Variants in PACRG observed in about 807,000 individuals in gnomAD.
PACRG encodes the protein parkin coregulated gene protein.
Under a neutral mutation model 29.7 loss-of-function variants are expected in PACRG, and 29 were observed. That is an observed-to-expected ratio of 0.98 (90% CI 0.73 to 1.33). PACRG has a LOEUF of 1.33. Ranked by LOEUF, PACRG falls within the 40% of genes most tolerant of loss-of-function variation. The pLI, the probability that PACRG is intolerant of heterozygous loss-of-function variation, is 0.00. For synonymous variants in PACRG, 116 were observed against 118.7 expected (o/e 0.98, Z 0.15); for missense variants, 279 against 316.2 (o/e 0.88, Z 0.89).
intron 4 of PACRG, among the ~76,000 whole-genome samples, chr6:163,194,053 C>T (rs931752358): frequency 2.6e-5 from 4 of 151,962 alleles, no homozygotes; most frequent in Non-Finnish European, 5.9e-5. Context: ...CCACCAAAGC[C>T]GGTTAATTTT....
intron 2 of PACRG, among the ~76,000 whole-genome samples, chr6:162,908,244 G>T (rs1047353614): frequency 6.6e-6 from 1 of 152,140 alleles, no homozygotes; most frequent in African/African-American, 2.4e-5. Context: ...TCAAACTTCA[G>T]CCAAGTTGTC....
intron 2 of PACRG, among the ~76,000 whole-genome samples, chr6:162,897,465 T>C (rs1795254559): frequency 6.6e-6 from 1 of 152,236 alleles, no homozygotes; most frequent in African/African-American, 2.4e-5. Flanking sequence ...GGTGAGGTAA[T>C]GCGATCCCAG....
chr6:163,185,448 A>G (rs1289490231), intron 4 of PACRG, among the ~76,000 whole-genome samples: 1 of 152,218 alleles, frequency 6.6e-6, no homozygotes. Context: ...CATTTTTCAA[A>G]TTAACAGGAC....
intron 1 of PACRG, among the ~76,000 whole-genome samples, chr6:162,797,996 T>C (rs1785521947): frequency 6.6e-6 from 1 of 152,218 alleles, no homozygotes; most frequent in Admixed American, 6.5e-5. Context: ...TTGGTCATAG[T>C]GTTTAACTCT....
intron 4 of PACRG, among the ~76,000 whole-genome samples, chr6:163,264,920 G>A (rs1261092887): frequency 6.6e-6 from 1 of 152,180 alleles, no homozygotes; most frequent in Non-Finnish European, 1.5e-5. Flanking sequence ...AGGAGGGATG[G>A]CCTCTGCCCC....
intron 1 of PACRG, among the ~76,000 whole-genome samples, chr6:162,753,202 C>A (rs1781645285): frequency 6.6e-6 from 1 of 151,996 alleles, no homozygotes; most frequent in African/African-American, 2.4e-5. Context: ...TATGTTTCTT[C>A]TTTCTACCTG....
At position 163,138,003 on chromosome 6, in the gene PACRG, T is replaced by C. The variant is rs892072826; in HGVS notation, c.613+48595T>C. 2.6e-5 allele frequency among the ~76,000 whole-genome samples: 4 copies of C among 152,280 alleles called. No individual in the cohort carries two copies. The East Asian group carries it at 7.7e-4, about 29-fold the overall frequency. ...CTTCCGAGTCTCCTCTACCTGAGCC[T>C]CAGAGCCTGGCTCAGAGGCTCTGTG... On this transcript the variant is annotated intron_variant, in intron 4 of 4. Transcript: ENST00000366888.
intron 4 of PACRG, among the ~76,000 whole-genome samples, chr6:163,197,438 T>TCTTTTCTTTTCTTTTC (rs1386673428): frequency 1.9e-5 from 2 of 107,828 alleles, no homozygotes; most frequent in African/African-American, 9.4e-5. Flanking sequence ...TCTTTTCTTT[T>TCTTTTCTTTTCTTTTC]TTTTTTTTTT....
Position 162,826,466 on chromosome 6 carries a change from CTTTTTTT to C in PACRG, c.291+12193_291+12199del, listed in dbSNP as rs576332156. 7.9e-5 allele frequency among the ~76,000 whole-genome samples: 11 copies of C among 138,706 alleles called. 1 individual carries two copies. The South Asian group carries it at 1.6e-3, about 20-fold the overall frequency. The allele number at this position is 138,706 out of a possible 152,430, so 91.0% of individuals were successfully genotyped here. On this transcript the variant is annotated intron_variant, in intron 2 of 4. Coordinates refer to ENST00000366888, the MANE Select transcript of PACRG (RefSeq NM_001080379.2). ...TAAAGATTTTTCTTTTTTCTTTTTT[CTTTTTTT>C]TTTTTTTGAGATGGAGTTTCACTCT...
intron 4 of PACRG, among the ~76,000 whole-genome samples, chr6:163,312,070 C>T (rs1220401837): frequency 6.6e-6 from 1 of 152,228 alleles, no homozygotes; most frequent in Admixed American, 6.5e-5. Context: ...GCAGCCACAA[C>T]TCAGCATCAT....
At chr6:163,080,898 T>G (rs1813016396) in intron 3 of PACRG, among the ~76,000 whole-genome samples, 1 of 152,154 alleles carries the variant, frequency 6.6e-6, no homozygotes, top group Non-Finnish European at 1.5e-5. Flanking sequence ...TTACTTCAAG[T>G]AGGAGAAACT....
chr6:163,293,465 G>C (rs1277891337), intron 4 of PACRG, among the ~76,000 whole-genome samples: 1 of 152,200 alleles, frequency 6.6e-6, no homozygotes, highest in Non-Finnish European at 1.5e-5. Flanking sequence ...AGTAATCAAA[G>C]CAGCTGTATA....
At chr6:162,985,158 C>G (rs1258111142) in intron 2 of PACRG, among the ~76,000 whole-genome samples, 2 of 152,030 alleles carry the variant, frequency 1.3e-5, no homozygotes, top group Non-Finnish European at 2.9e-5. Flanking sequence ...CATATTGACA[C>G]TATTCCAAAA....
chr6:162,727,653 C>T (rs1779348951), upstream of PACRG: 1 of 1,585,440 alleles, frequency 6.3e-7, no homozygotes, highest in Non-Finnish European at 8.6e-7. Flanking sequence ...CTGGCAGGTA[C>T]CCACGTACCT....
chr6:163,232,935 T>G (rs1782103177), intron 4 of PACRG, among the ~76,000 whole-genome samples: 1 of 151,782 alleles, frequency 6.6e-6, no homozygotes, highest in Admixed American at 6.6e-5. Flanking sequence ...ACTCTGCTCC[T>G]CCAGCTGAAA....
At chr6:163,280,411 G>C in intron 4 of PACRG, among the ~76,000 whole-genome samples, 1 of 152,130 alleles carries the variant, frequency 6.6e-6, no homozygotes, top group East Asian at 1.9e-4. Context: ...GGGTTATACT[G>C]TGCACCACCC....
chr6:163,222,450 G>T (rs572879043), intron 4 of PACRG, among the ~76,000 whole-genome samples: 104 of 152,302 alleles, frequency 6.8e-4, no homozygotes, highest in African/African-American at 2.4e-3. Flanking sequence ...TGTGGTGGCA[G>T]GTGCCTGTCG....
chr6:163,001,449 T>A (rs1458103569), intron 2 of PACRG, among the ~76,000 whole-genome samples: 1 of 152,116 alleles, frequency 6.6e-6, no homozygotes, highest in East Asian at 1.9e-4. Context: ...TTTTTTATAA[T>A]GAAGTGGGAG....
At chr6:163,059,558 C>A (rs1810919123) in intron 2 of PACRG, among the ~76,000 whole-genome samples, 1 of 152,028 alleles carries the variant, frequency 6.6e-6, no homozygotes, top group Admixed American at 6.6e-5. Context: ...AACAATTTAC[C>A]AGGAGGTTAT....
Sources: gnomAD v4.1 joint callset for allele counts (sites outside exome capture counted in the v4.1 genomes callset) on GRCh38, gnomAD v4.1.1 for gene constraint, MANE v1.5 for transcripts, NCBI Gene and HGNC (gene_info 2026-07-23, HGNC 2026-07-21) for gene names.